TET3: variants seen among roughly 807,000 people sequenced by gnomAD.
TET3 encodes methylcytosine dioxygenase TET3.
Under a neutral mutation model 141.4 loss-of-function variants are expected in TET3, and 19 were observed. The observed-to-expected ratio is 0.13, with a 90% CI of 0.09 to 0.20. The LOEUF (loss-of-function observed/expected upper bound fraction) is 0.20, where lower values mean the gene tolerates loss of function less well. TET3 is among the 10% of genes least tolerant of loss of function. The pLI is 1.00. For synonymous variants in TET3, 1,043 were observed against 980.9 expected, an observed-to-expected ratio of 1.06 and a Z score of -1.18; for missense variants, 1,874 against 2,356.9, an observed-to-expected ratio of 0.80 and a Z score of 4.24.
In TET3 at chr2:74,098,596, CTT is replaced by C. The variant is rs11343259; in HGVS notation, c.3268-666_3268-665del. ...TAGAGTTTATAATAAAAAGGAAACT[CTT>C]TTTTTTTTTTTTTGAGACGGAGTTT... On this transcript the variant is annotated intron_variant, in intron 10 of 11. Transcript: ENST00000409262. Among the ~76,000 whole-genome samples, 397 of 139,360 alleles carry C rather than the reference CTT, an allele frequency of 2.8e-3. 1 individual carries two copies. Among genetic ancestry groups the C allele is most frequent in the African/African-American group, 8.6e-3 (319 of 36,898 alleles). The allele number at this position is 139,360 out of a possible 152,430, so 91.4% of individuals were successfully genotyped here.
At chr2:74,092,095 G>A (rs907504264) in intron 8 of TET3, among the ~76,000 whole-genome samples, 2 of 152,166 alleles carry the variant, frequency 1.3e-5, no homozygotes, top group African/African-American at 4.8e-5. Context: ...CCTGAGGTCA[G>A]GAGTTTGAGA....
the TET3 span, among the ~76,000 whole-genome samples, chr2:74,129,363 T>C: frequency 7.2e-3 from 960 of 133,822 alleles, 12 homozygotes; most frequent in African/African-American, 0.025. Flanking sequence ...CCGGGCACAG[T>C]GGCTCATGCC....
In TET3 at chr2:74,102,248, C is replaced by A; in HGVS notation, c.*72C>A. 7.3e-7 allele frequency: 1 copy of A among 1,367,024 alleles called. No homozygotes were observed. The highest frequency in any genetic ancestry group is 9.4e-7 in the Non-Finnish European group (1 of 1,058,580). The allele number at this position is 1,367,024 out of a possible 1,614,324, so 84.7% of individuals were successfully genotyped here. A position where few individuals can be genotyped will look rare whatever the true frequency, so the allele number is the denominator to read the frequency against. On this transcript the variant is annotated 3_prime_UTR_variant, in exon 12 of 12. Coordinates refer to ENST00000409262, the MANE Select transcript of TET3 (RefSeq NM_001287491.2). ...TCTCTGTGGTGCTTTTGCCCTCATA[C>A]CTGGGGGCGGGTTGGGGGTGCAGAA...
chr2:74,088,851 C>A (rs565620301), intron 7 of TET3, among the ~76,000 whole-genome samples: 12 of 152,180 alleles, frequency 7.9e-5, no homozygotes, highest in Admixed American at 3.9e-4. Context: ...GAGGCCAAGG[C>A]GGGTGGATCG....
intron 8 of TET3, among the ~76,000 whole-genome samples, chr2:74,092,614 A>T (rs1690567807): frequency 6.6e-6 from 1 of 152,150 alleles, no homozygotes. Flanking sequence ...AACGTTTGAT[A>T]TGTTCTGGGC....
the TET3 span, among the ~76,000 whole-genome samples, chr2:74,114,301 C>CG: frequency 2.6e-5 from 4 of 151,290 alleles, no homozygotes; most frequent in Non-Finnish European, 4.4e-5. Context: ...CTTGGGGACT[C>CG]GGGGGGGAGG....
the TET3 span, among the ~76,000 whole-genome samples, chr2:74,129,470 A>T: frequency 0.58 from 86,812 of 150,216 alleles, 27,190 homozygotes; most frequent in East Asian, 0.9. Context: ...TCGTCTCTAC[A>T]AAAAACGCAA....
chr2:74,026,058 G>A (rs910388247), intron 3 of TET3, among the ~76,000 whole-genome samples: 5 of 152,358 alleles, frequency 3.3e-5, no homozygotes, highest in African/African-American at 1.2e-4. Flanking sequence ...CTAAGGCAGA[G>A]AGGTGGGGCA....
At position 74,047,029 on chromosome 2, in the gene TET3, C is replaced by T. The variant is rs781575071; in HGVS notation, c.1112C>T (p.Pro371Leu). ...EALTQLSSALPQPSHSTPQAS... is the reference protein window; with the variant it reads ...EALTQLSSALLQPSHSTPQAS... ...CTCACACAGCTCTCCTCTGCCCTCC[C>T]GCAGCCTTCTCATTCCACCCCCCAG... Residue 371 changes from proline to leucine, a missense_variant, in exon 4 of 12, where the codon CCG becomes CTG. Pro to Leu is a moderately conservative substitution (Grantham distance 98, BLOSUM62 -3). Transcript: ENST00000409262. The T allele has an allele frequency of 1.9e-6, 3 of 1,613,904 alleles. No homozygotes were observed. Among genetic ancestry groups the T allele is most frequent in the East Asian group, 2.2e-5 (1 of 44,888 alleles).
downstream of TET3, among the ~76,000 whole-genome samples, chr2:74,108,816 A>C (rs1691635990): frequency 6.6e-6 from 1 of 152,180 alleles, no homozygotes. Flanking sequence ...TCTTTGAGGG[A>C]CAACCAGCCC....
chr2:74,034,101 A>G (rs553996484), intron 3 of TET3, among the ~76,000 whole-genome samples: 26 of 151,268 alleles, frequency 1.7e-4, no homozygotes, highest in Non-Finnish European at 3.2e-4. Flanking sequence ...TGTCTCAGAG[A>G]AAAAAAAAGA....
chr2:74,083,966 C>T (rs1689973258), intron 6 of TET3, among the ~76,000 whole-genome samples: 1 of 152,132 alleles, frequency 6.6e-6, no homozygotes, highest in Admixed American at 6.5e-5. Flanking sequence ...CACAGATGTG[C>T]GTCGATGCCC....
rs915380457 is a variant in TET3 at position 74,102,452 on chromosome 2, C to T, written c.*276C>T. ...AATATTTATATCTCCAAGTTGTCCC[C>T]CCCCCTTGTCTGGGGGGTTTTTATT... On this transcript the variant is annotated 3_prime_UTR_variant, in exon 12 of 12. Transcript: ENST00000409262. 10 of 301,704 alleles carry T rather than the reference C, an allele frequency of 3.3e-5. No individual in the cohort carries two copies. The highest frequency in any genetic ancestry group is 5.6e-5 in the East Asian group (1 of 17,866). 18.7% of individuals were successfully genotyped at this position (301,704 alleles called of 1,614,324 possible). A position where few individuals can be genotyped will look rare whatever the true frequency, so the allele number is the denominator to read the frequency against.
intron 2 of TET3, among the ~76,000 whole-genome samples, chr2:73,990,935 G>T (rs1265187233): frequency 1.3e-5 from 2 of 152,132 alleles, no homozygotes; most frequent in Non-Finnish European, 2.9e-5. Flanking sequence ...GACCGCATCT[G>T]AGCATTTGTC....
chr2:74,074,768 G>A (rs916204915), intron 5 of TET3, among the ~76,000 whole-genome samples: 3 of 152,250 alleles, frequency 2.0e-5, no homozygotes, highest in African/African-American at 7.2e-5. Flanking sequence ...CTTAGTGCTT[G>A]TCATGAGGAC....
intron 3 of TET3, among the ~76,000 whole-genome samples, chr2:74,006,850 C>G (rs959502418): frequency 2.0e-5 from 3 of 152,198 alleles, no homozygotes; most frequent in African/African-American, 7.2e-5. Context: ...TTCTCAGCGT[C>G]TCTACAGCTT....
chr2:74,007,782 A>C (rs1232389101), intron 3 of TET3, among the ~76,000 whole-genome samples: 1 of 152,172 alleles, frequency 6.6e-6, no homozygotes. Flanking sequence ...CTCAGACTAA[A>C]TCTGGGGAAG....
intron 5 of TET3, among the ~76,000 whole-genome samples, chr2:74,078,600 G>C (rs1422522849): frequency 6.6e-6 from 1 of 152,140 alleles, no homozygotes; most frequent in Non-Finnish European, 1.5e-5. Flanking sequence ...TTCTGTTGTT[G>C]ATGAGACAGT....
intron 4 of TET3, among the ~76,000 whole-genome samples, chr2:74,067,776 A>G (rs143814618): frequency 4.3e-4 from 65 of 152,330 alleles, no homozygotes; most frequent in African/African-American, 1.5e-3. Flanking sequence ...GTTGTCAGTG[A>G]GAAAACATAT....
Sources: gnomAD v4.1 joint callset for allele counts (sites outside exome capture counted in the v4.1 genomes callset) on GRCh38, gnomAD v4.1.1 for gene constraint, MANE v1.5 for transcripts, NCBI Gene and HGNC (gene_info 2026-07-23, HGNC 2026-07-21) for gene names.